The following P2RY8 variants were observed in gnomAD, a reference collection of about 807,000 sequenced individuals.
P2RY8 encodes S-geranylgeranyl-glutathione receptor P2RY8.
Under a neutral mutation model 10.0 loss-of-function variants are expected in P2RY8, and 6 were observed. The observed-to-expected ratio is 0.60, with a 90% CI of 0.33 to 1.19. The LOEUF (loss-of-function observed/expected upper bound fraction) is 1.19. Among genes scored for constraint, P2RY8 ranks in the 50% most tolerant of loss-of-function variants. The probability of loss-of-function intolerance (pLI) is 0.04; values close to 1 mark genes in which losing one functional copy is unlikely to be tolerated. For missense variants in P2RY8, 456 were observed against 542.0 expected (o/e 0.84, Z 1.58); for synonymous variants, 276 against 252.5 (o/e 1.09, Z -0.88).
At chrX:1,505,048 G>C (rs2092218276) in intron 1 of P2RY8, among the ~76,000 whole-genome samples, 1 of 150,870 alleles carries the variant, frequency 6.6e-6, no homozygotes, top group Non-Finnish European at 1.5e-5. Flanking sequence ...TGAGGCAGGA[G>C]AATGGCGTGA....
intron 1 of P2RY8, among the ~76,000 whole-genome samples, chrX:1,478,272 T>TGTGTGTGTGTGTGTGTGTGTGTGCGTGC (rs1318193075): frequency 2.9e-5 from 3 of 103,950 alleles, no homozygotes; most frequent in African/African-American, 9.5e-5. Context: ...TGTGTGTGTG[T>TGTGTGTGTGTGTGTGTGTGTGTGCGTGC]GCCCAGCAGG....
intron 1 of P2RY8, among the ~76,000 whole-genome samples, chrX:1,478,273 G>GTGTGTGTGTGTGTGTGTGTGCGCA (rs539376483): frequency 1.5e-5 from 2 of 133,568 alleles, no homozygotes; most frequent in Non-Finnish European, 3.1e-5. Context: ...GTGTGTGTGT[G>GTGTGTGTGTGTGTGTGTGTGCGCA]CCCAGCAGGG....
At chrX:1,474,959 T>C (rs1406224124) in intron 1 of P2RY8, among the ~76,000 whole-genome samples, 4 of 145,256 alleles carry the variant, frequency 2.8e-5, no homozygotes. Context: ...GACGTGTGGG[T>C]GGATGGATGG....
At chrX:1,478,249 ATG>A (rs745819761) in intron 1 of P2RY8, among the ~76,000 whole-genome samples, 50 of 148,230 alleles carry the variant, frequency 3.4e-4, no homozygotes, top group Middle Eastern at 3.5e-3. Flanking sequence ...TGGCAGGCGT[ATG>A]TGTGTGTGTG....
intron 1 of P2RY8, among the ~76,000 whole-genome samples, chrX:1,482,700 T>TAC (rs755545714): frequency 0.98 from 148,347 of 152,118 alleles, 72,368 homozygotes; most frequent in East Asian, 1. Context: ...ATATGGCTAG[T>TAC]CAGTTTTCCC....
At chrX:1,509,755 A>G (rs1471923247) in intron 1 of P2RY8, among the ~76,000 whole-genome samples, 1 of 113,942 alleles carries the variant, frequency 8.8e-6, no homozygotes, top group Admixed American at 8.6e-5. Context: ...CTATCTGTCT[A>G]TCTATCTATC....
chrX:1,487,027 C>T (rs1396939932), intron 1 of P2RY8, among the ~76,000 whole-genome samples: 1 of 152,244 alleles, frequency 6.6e-6, no homozygotes, highest in African/African-American at 2.4e-5. Flanking sequence ...CTGGCCTCCT[C>T]ATCCCTCAGG....
intron 1 of P2RY8, among the ~76,000 whole-genome samples, chrX:1,483,684 CA>C (rs1277933974): frequency 6.6e-6 from 1 of 151,888 alleles, no homozygotes; most frequent in East Asian, 1.9e-4. Flanking sequence ...CATTAAAACC[CA>C]AAGCTACCCT....
chrX:1,527,851 G>A (rs73186962), intron 1 of P2RY8, among the ~76,000 whole-genome samples: 14,812 of 152,022 alleles, frequency 0.097, 808 homozygotes, highest in African/African-American at 0.12. Context: ...TATTTATGCA[G>A]CCATCCATTC....
intron 1 of P2RY8, among the ~76,000 whole-genome samples, chrX:1,480,584 C>A (rs185346724): frequency 3.9e-5 from 6 of 152,120 alleles, no homozygotes; most frequent in African/African-American, 1.4e-4. Flanking sequence ...GAAAACCAAA[C>A]ACTGCATGTT....
intron 1 of P2RY8, among the ~76,000 whole-genome samples, chrX:1,525,790 C>T (rs1185009850): frequency 6.6e-6 from 1 of 151,862 alleles, no homozygotes; most frequent in African/African-American, 2.4e-5. Context: ...ATCCATCCAT[C>T]CATTTATCCA....
chrX:1,502,785 GAC>G (rs2092192670), intron 1 of P2RY8, among the ~76,000 whole-genome samples: 1 of 152,216 alleles, frequency 6.6e-6, no homozygotes, highest in Admixed American at 6.5e-5. Context: ...AGGAGACACA[GAC>G]ACAGAGGAGA....
intron 1 of P2RY8, among the ~76,000 whole-genome samples, chrX:1,530,414 C>T (rs111065314): frequency 0.071 from 10,741 of 151,290 alleles, 523 homozygotes; most frequent in Non-Finnish European, 0.1. Flanking sequence ...TATTAATGCA[C>T]CTATGTATGT....
At chrX:1,516,262 C>T (rs2092348191) in intron 1 of P2RY8, among the ~76,000 whole-genome samples, 1 of 145,064 alleles carries the variant, frequency 6.9e-6, no homozygotes, top group African/African-American at 2.5e-5. Flanking sequence ...GTACTCCCTC[C>T]TTCTCTCCCT....
chrX:1,531,352 G>T (rs1472977535), intron 1 of P2RY8, among the ~76,000 whole-genome samples: 1 of 152,072 alleles, frequency 6.6e-6, no homozygotes, highest in Non-Finnish European at 1.5e-5. Context: ...TCTCATGAAT[G>T]GTTCTATCCC....
Position 1,518,438 on chromosome X carries a change from A to T in P2RY8, c.-25+18483T>A, listed in dbSNP as rs749949560. 1.3e-3 allele frequency among the ~76,000 whole-genome samples: 169 copies of T among 129,842 alleles called. 1 individual carries two copies. Among genetic ancestry groups the T allele is most frequent in the African/African-American group, 4.3e-3 (156 of 36,676 alleles). The allele number at this position is 129,842 out of a possible 152,430, so 85.2% of individuals were successfully genotyped here. ...GAGACTCCGTCTCAAAAAAAAAAAAATAATAATAATATAATAAAATATTAA... is the reference window on the plus strand; with the variant it reads ...GAGACTCCGTCTCAAAAAAAAAAAATTAATAATAATATAATAAAATATTAA... On this transcript the variant is annotated intron_variant, in intron 1 of 1. Transcript: ENST00000381297.
chrX:1,503,469 T>C (rs2092198960), intron 1 of P2RY8, among the ~76,000 whole-genome samples: 1 of 152,176 alleles, frequency 6.6e-6, no homozygotes, highest in Non-Finnish European at 1.5e-5. Flanking sequence ...TTACTTAAAA[T>C]ACAACTGCCA....
At chrX:1,468,755 T>C (rs2091730553) in intron 1 of P2RY8, among the ~76,000 whole-genome samples, 2 of 542 alleles carry the variant, frequency 3.7e-3, no homozygotes, top group Admixed American at 0.014. Context: ...CTCTCTCCCC[T>C]CTCCCCTCTC....
At chrX:1,497,231 A>AAAAG (rs1379297089) in intron 1 of P2RY8, among the ~76,000 whole-genome samples, 3 of 117,770 alleles carry the variant, frequency 2.5e-5, no homozygotes, top group Non-Finnish European at 6.1e-5. Context: ...CAAAAAAAAA[A>AAAAG]AAAAAGAAAA....
Sources: gnomAD v4.1 joint callset for allele counts (sites outside exome capture counted in the v4.1 genomes callset) on GRCh38, gnomAD v4.1.1 for gene constraint, MANE v1.5 for transcripts, NCBI Gene and HGNC (gene_info 2026-07-23, HGNC 2026-07-21) for gene names.